The following GSE1 variants were observed in gnomAD, a reference collection of about 807,000 sequenced individuals.
GSE1 encodes the protein genetic suppressor element 1.
Under a neutral mutation model 112.6 loss-of-function variants are expected in GSE1, and 32 were observed. The ratio of observed to expected loss-of-function variants is 0.28; its 90% confidence interval spans 0.21 to 0.38. The LOEUF (loss-of-function observed/expected upper bound fraction) is 0.38, where lower values mean the gene tolerates loss of function less well. GSE1 is among the 10% of genes least tolerant of loss of function. The pLI, the probability that GSE1 is intolerant of heterozygous loss-of-function variation, is 1.00. For missense variants in GSE1, 2,348 were observed against 1,699.2 expected, an observed-to-expected ratio of 1.38 and a Z score of -6.71; for synonymous variants, 1,115 against 735.6, an observed-to-expected ratio of 1.52 and a Z score of -8.35.
intron 1 of GSE1, among the ~76,000 whole-genome samples, chr16:85,256,969 C>G (rs1464343515): frequency 6.6e-6 from 1 of 152,070 alleles, no homozygotes; most frequent in East Asian, 1.9e-4. Flanking sequence ...CTTTCTGTCA[C>G]GATACTTTGT....
rs1470010570 is a variant in GSE1, at chr16:85,673,052, TC to T, written c.*514del. ...TGTCAGTAAAAAGGGCTTATTTGTT[TC>T]ATTTTACTTTCCTGCAAAATTTTCT... On this transcript the variant is annotated 3_prime_UTR_variant, in exon 16 of 16. Transcript: ENST00000253458. 10 of 152,344 alleles carry T rather than the reference TC, an allele frequency of 6.6e-5. No homozygotes were observed. In the East Asian group the frequency reaches 1.9e-3, roughly 29 times the overall value. 9.4% of individuals were successfully genotyped at this position (152,344 alleles called of 1,614,324 possible).
At position 85,290,873 on chromosome 16, in the gene GSE1, C is replaced by T. The variant is rs2045189455; in HGVS notation, c.2284-66590C>T. 2.6e-5 allele frequency among the ~76,000 whole-genome samples: 4 copies of T among 152,160 alleles called. No individual in the cohort carries two copies. In the South Asian group the frequency reaches 8.3e-4, roughly 32 times the overall value. ...GCAGTCCCCTCGTCCCTGAGCAGGCCAGTGTGGGAGCCCCACCCAGCCTCC... is the reference window on the plus strand; with the variant it reads ...GCAGTCCCCTCGTCCCTGAGCAGGCTAGTGTGGGAGCCCCACCCAGCCTCC... On this transcript the variant is annotated intron_variant, in intron 1 of 2. Transcript: ENST00000637419.
At chr16:85,645,512 C>A (rs912960494) in intron 2 of GSE1, among the ~76,000 whole-genome samples, 1 of 152,188 alleles carries the variant, frequency 6.6e-6, no homozygotes, top group Non-Finnish European at 1.5e-5. Context: ...AGCTGCCCCA[C>A]CCCAAGGGAG....
At chr16:85,648,827 G>T in intron 3 of GSE1, 76 bp downstream of exon 3, 4 of 820,346 alleles carry the variant, frequency 4.9e-6, no homozygotes, top group Non-Finnish European at 7.4e-6. Flanking sequence ...GGGGGCTCTG[G>T]AGCTTTCGAG....
At chr16:85,208,082 G>C (rs553511184) in intron 1 of GSE1, among the ~76,000 whole-genome samples, 1 of 152,142 alleles carries the variant, frequency 6.6e-6, no homozygotes, top group South Asian at 2.1e-4. Flanking sequence ...GTGTGTGGTT[G>C]GAGCAGCATT....
intron 1 of GSE1, among the ~76,000 whole-genome samples, chr16:85,624,475 G>A (rs1211154673): frequency 1.3e-5 from 2 of 152,192 alleles, no homozygotes; most frequent in East Asian, 1.9e-4. Context: ...GGTCCCGTCC[G>A]TAAAACGGGT....
intron 1 of GSE1, among the ~76,000 whole-genome samples, chr16:85,298,647 G>A (rs1378500608): frequency 4.6e-5 from 7 of 152,194 alleles, no homozygotes; most frequent in Non-Finnish European, 5.9e-5. Flanking sequence ...GGTTGTTCTC[G>A]AACTCCTGAC....
At chr16:85,445,334 C>A (rs568073052) in intron 2 of GSE1, among the ~76,000 whole-genome samples, 1 of 152,226 alleles carries the variant, frequency 6.6e-6, no homozygotes, top group Non-Finnish European at 1.5e-5. Context: ...AGCGAACCCC[C>A]CCACTCTGCA....
At chr16:85,344,914 T>C (rs2046701794) in intron 1 of GSE1, among the ~76,000 whole-genome samples, 1 of 152,256 alleles carries the variant, frequency 6.6e-6, no homozygotes, top group South Asian at 2.1e-4. Context: ...AGGTGACCCG[T>C]GGGTGCTGCT....
chr16:85,296,580 C>T (rs746412376), intron 1 of GSE1, among the ~76,000 whole-genome samples: 6 of 152,294 alleles, frequency 3.9e-5, no homozygotes, highest in East Asian at 1.9e-4. Context: ...GCACTCCAGC[C>T]GGAGTGACAG....
At chr16:85,660,950 G>A (rs1195550655) in intron 8 of GSE1, among the ~76,000 whole-genome samples, 196 bp from the exon 9 acceptor site, 1 of 152,154 alleles carries the variant, frequency 6.6e-6, no homozygotes. Context: ...AGAAAAGAAA[G>A]GAAAAGAGAA....
rs997151009 is a variant in GSE1 at position 85,648,717 on chromosome 16, C to G, written c.392C>G (p.Thr131Ser). 6.2e-7 allele frequency: 1 copy of G among 1,606,824 alleles called. No homozygotes were observed. Among genetic ancestry groups the G allele is most frequent in the African/African-American group, 1.3e-5 (1 of 74,610 alleles). ...PPVVTIAPTK[T>S]VNGVWRSESR... ...GTGGTGACCATCGCTCCAACCAAAACCGTGAATGGTGTCTGGAGGAGTGAG... is the reference window on the plus strand; with the variant it reads ...GTGGTGACCATCGCTCCAACCAAAAGCGTGAATGGTGTCTGGAGGAGTGAG... The change falls in exon 3 of 16, where the codon ACC becomes AGC. Residue 131 changes from threonine to serine, a missense_variant. Coordinates refer to ENST00000253458, the MANE Select transcript of GSE1 (RefSeq NM_014615.5).
intron 1 of GSE1, among the ~76,000 whole-genome samples, chr16:85,173,964 G>A (rs1391582881): frequency 6.6e-6 from 1 of 152,282 alleles, no homozygotes; most frequent in African/African-American, 2.4e-5. Flanking sequence ...TTTTATAGAC[G>A]AGTCAACCAA....
At chr16:85,666,625 G>A (rs2052884609) in intron 13 of GSE1, 2 of 454,618 alleles carry the variant, frequency 4.4e-6, no homozygotes, top group Non-Finnish European at 7.9e-6. Flanking sequence ...GTAAAGGAGT[G>A]AACGCCGACA....
chr16:85,491,754 G>A (rs75778242), intron 2 of GSE1, among the ~76,000 whole-genome samples: 7,940 of 152,178 alleles, frequency 0.052, 501 homozygotes, highest in East Asian at 0.35. Context: ...AGGTCTCAGC[G>A]CCACAGTCTG....
chr16:85,671,759 G>C (rs916603908), intron 15 of GSE1: 1 of 154,052 alleles, frequency 6.5e-6, no homozygotes, highest in African/African-American at 2.4e-5. Context: ...AGAGCAGCAG[G>C]GTTTTATTAG....
chr16:85,446,177 C>T (rs1420775325), intron 2 of GSE1, among the ~76,000 whole-genome samples: 2 of 152,164 alleles, frequency 1.3e-5, no homozygotes, highest in Non-Finnish European at 2.9e-5. Flanking sequence ...CTCAGCTCTG[C>T]GACGTCGGGG....
chr16:85,219,357 T>C (rs1238865797), intron 1 of GSE1, among the ~76,000 whole-genome samples: 2 of 152,230 alleles, frequency 1.3e-5, no homozygotes, highest in African/African-American at 2.4e-5. Context: ...AAATGAATTA[T>C]ATTTTGACAC....
At chr16:85,175,799 A>G (rs1282133395) in intron 1 of GSE1, among the ~76,000 whole-genome samples, 2 of 152,128 alleles carry the variant, frequency 1.3e-5, no homozygotes, top group Non-Finnish European at 2.9e-5. Flanking sequence ...ATTCACACAT[A>G]CTGAAGCCTC....
Sources: gnomAD v4.1 joint callset for allele counts (sites outside exome capture counted in the v4.1 genomes callset) on GRCh38, gnomAD v4.1.1 for gene constraint, MANE v1.5 for transcripts, NCBI Gene and HGNC (gene_info 2026-07-23, HGNC 2026-07-21) for gene names.